KCNMB2: variants seen among roughly 807,000 people sequenced by gnomAD.
The protein encoded by KCNMB2 is calcium-activated potassium channel subunit beta-2.
In KCNMB2, 9 loss-of-function variants were observed where a neutral mutation model predicts 24.5. The observed-to-expected ratio is 0.37, with a 90% CI of 0.22 to 0.64. The LOEUF (loss-of-function observed/expected upper bound fraction) is 0.64, where lower values mean the gene tolerates loss of function less well. Ranked by LOEUF, KCNMB2 falls within the 30% of genes least tolerant of loss-of-function variation. KCNMB2 has a pLI of 0.63. For synonymous variants in KCNMB2, 109 were observed against 104.4 expected, an observed-to-expected ratio of 1.04 and a Z score of -0.27; for missense variants, 226 against 284.3, an observed-to-expected ratio of 0.79 and a Z score of 1.47.
intron 1 of KCNMB2, among the ~76,000 whole-genome samples, chr3:178,707,221 A>C (rs182553030): frequency 4.6e-5 from 7 of 152,238 alleles, no homozygotes; most frequent in Admixed American, 4.6e-4. Flanking sequence ...CCAGCTGTGA[A>C]ACATTGGGTA....
intron 1 of KCNMB2, among the ~76,000 whole-genome samples, chr3:178,664,481 T>C (rs1720647739): frequency 6.6e-6 from 1 of 152,108 alleles, no homozygotes; most frequent in Non-Finnish European, 1.5e-5. Flanking sequence ...ATATACTTTT[T>C]TTTCTTTTCA....
At chr3:178,791,009 A>T (rs1713300329) in intron 1 of KCNMB2, among the ~76,000 whole-genome samples, 1 of 152,164 alleles carries the variant, frequency 6.6e-6, no homozygotes, top group Non-Finnish European at 1.5e-5. Flanking sequence ...GGACAGATAC[A>T]AACTACTCCA....
At chr3:178,768,716 C>T (rs1712224467) in intron 1 of KCNMB2, among the ~76,000 whole-genome samples, 1 of 152,102 alleles carries the variant, frequency 6.6e-6, no homozygotes, top group African/African-American at 2.4e-5. Context: ...AGAGAGGCAA[C>T]GTGCATTTAC....
intron 1 of KCNMB2, among the ~76,000 whole-genome samples, chr3:178,636,926 C>T (rs1249537263): frequency 6.6e-6 from 1 of 152,116 alleles, no homozygotes; most frequent in African/African-American, 2.4e-5. Context: ...TCATTCAGCA[C>T]CCACTCATAA....
At chr3:178,598,194 G>C (rs1717946290) in intron 1 of KCNMB2, among the ~76,000 whole-genome samples, 1 of 152,056 alleles carries the variant, frequency 6.6e-6, no homozygotes, top group African/African-American at 2.4e-5. Flanking sequence ...CTCTAAACTG[G>C]GGAGTAGTTC....
rs74612618 is a variant in KCNMB2, at chr3:178,754,974, G to A, written c.-67-52369G>A. On this transcript the variant is annotated intron_variant, in intron 1 of 4. Transcript: ENST00000452583. ...TTGGGCATCAATCTGCCTTGCAGCC[G>A]TCATTGGCAATGAAATTAAAGCTCA... Among the ~76,000 whole-genome samples the A allele has an allele frequency of 5.2e-3, 795 of 152,338 alleles. 10 individuals are homozygous for A. Among genetic ancestry groups the A allele is most frequent in the Admixed American group, 0.036 (547 of 15,298 alleles).
In KCNMB2 at chr3:178,576,631, A is replaced by G. The variant is rs567002242; in HGVS notation, c.-68+39920A>G. Among the ~76,000 whole-genome samples the G allele has an allele frequency of 2.6e-5, 4 of 152,300 alleles. No individual in the cohort carries two copies. In the South Asian group the frequency reaches 8.3e-4, roughly 32 times the overall value. On this transcript the variant is annotated intron_variant, in intron 1 of 4. Transcript: ENST00000452583. ...CTGCCAGCACAGCAGTCTGAAGTCG[A>G]CCTGGGAGGCTCAAGCTTGGTAGGG...
chr3:178,591,816 A>G (rs1717686103), intron 1 of KCNMB2, among the ~76,000 whole-genome samples: 2 of 152,144 alleles, frequency 1.3e-5, no homozygotes, highest in Non-Finnish European at 2.9e-5. Flanking sequence ...ATTCTGATGT[A>G]GAATATCAGG....
intron 1 of KCNMB2, among the ~76,000 whole-genome samples, chr3:178,656,624 T>C (rs567776390): frequency 1.3e-5 from 2 of 151,950 alleles, no homozygotes; most frequent in Admixed American, 6.6e-5. Context: ...AATACAAAAA[T>C]TAGCCGGGTG....
chr3:178,669,030 A>G (rs58467972), intron 1 of KCNMB2, among the ~76,000 whole-genome samples: 54,742 of 151,936 alleles, frequency 0.36, 10,040 homozygotes, highest in Middle Eastern at 0.51. Flanking sequence ...GCTTCTTATG[A>G]GAAGAGAGAA....
chr3:178,736,102 A>G (rs749806982), intron 1 of KCNMB2, among the ~76,000 whole-genome samples: 35 of 152,204 alleles, frequency 2.3e-4, no homozygotes, highest in Non-Finnish European at 2.9e-5. Flanking sequence ...CTAGTGAGTG[A>G]TAGAGCTAGG....
chr3:178,763,524 T>C (rs1209653008), intron 1 of KCNMB2, among the ~76,000 whole-genome samples: 2 of 152,102 alleles, frequency 1.3e-5, no homozygotes, highest in Non-Finnish European at 2.9e-5. Context: ...TTCAGTAAGC[T>C]CAAAAAGCTA....
At chr3:178,820,213 G>A (rs1714571772) in intron 2 of KCNMB2, among the ~76,000 whole-genome samples, 1 of 152,164 alleles carries the variant, frequency 6.6e-6, no homozygotes, top group East Asian at 1.9e-4. Flanking sequence ...CAGTAAACTG[G>A]CTTTTTGGGA....
chr3:178,732,759 T>C (rs1723193558), intron 1 of KCNMB2, among the ~76,000 whole-genome samples: 1 of 152,192 alleles, frequency 6.6e-6, no homozygotes, highest in South Asian at 2.1e-4. Context: ...TGTGTATTGA[T>C]CTATTGATGA....
intron 1 of KCNMB2, among the ~76,000 whole-genome samples, chr3:178,619,719 C>T (rs1211310529): frequency 6.6e-6 from 1 of 152,144 alleles, no homozygotes; most frequent in African/African-American, 2.4e-5. Flanking sequence ...TTGCTTCCAA[C>T]CTTTTCCTTG....
At chr3:178,573,284 C>T (rs1354790117) in intron 1 of KCNMB2, among the ~76,000 whole-genome samples, 2 of 152,170 alleles carry the variant, frequency 1.3e-5, no homozygotes, top group Non-Finnish European at 2.9e-5. Context: ...GCTGGGATTA[C>T]AGGCATGAGC....
chr3:178,764,111 C>A (rs368470112), intron 1 of KCNMB2, among the ~76,000 whole-genome samples: 15 of 152,110 alleles, frequency 9.9e-5, no homozygotes, highest in African/African-American at 3.6e-4. Context: ...CTCTTTCCAC[C>A]ACACCATTTA....
intron 1 of KCNMB2, among the ~76,000 whole-genome samples, chr3:178,597,866 TC>T (rs1717932707): frequency 6.6e-6 from 1 of 152,138 alleles, no homozygotes; most frequent in Non-Finnish European, 1.5e-5. Context: ...GTTGATAATC[TC>T]CTTGGCTACA....
intron 1 of KCNMB2, among the ~76,000 whole-genome samples, chr3:178,658,329 G>A (rs1720412498): frequency 6.6e-6 from 1 of 152,170 alleles, no homozygotes; most frequent in Admixed American, 6.5e-5. Flanking sequence ...AGTCCAGTAA[G>A]CTGCTAGTGT....
Sources: allele counts gnomAD v4.1 joint callset (sites outside exome capture counted in the v4.1 genomes callset), GRCh38; gene constraint gnomAD v4.1.1; transcripts MANE v1.5; gene names NCBI Gene and HGNC (gene_info 2026-07-23, HGNC 2026-07-21).